CCDC60: variants seen among roughly 807,000 people sequenced by gnomAD.
The protein encoded by CCDC60 is coiled-coil domain containing 60.
In CCDC60, 54 loss-of-function variants were observed where a neutral mutation model predicts 63.5. That is an observed-to-expected ratio of 0.85 (90% CI 0.68 to 1.07). The LOEUF (loss-of-function observed/expected upper bound fraction) is 1.07, where lower values mean the gene tolerates loss of function less well. CCDC60 is among the 50% of genes least tolerant of loss of function. The pLI is 0.00. For synonymous variants in CCDC60, 206 were observed against 238.8 expected (o/e 0.86, Z 1.27); for missense variants, 651 against 684.3 (o/e 0.95, Z 0.54).
chr12:119,401,505 G>A (rs924589194), intron 1 of CCDC60, among the ~76,000 whole-genome samples: 7 of 152,190 alleles, frequency 4.6e-5, no homozygotes, highest in Non-Finnish European at 7.3e-5. Flanking sequence ...GAGACAGCCC[G>A]ACAATCTCAG....
chr12:119,519,852 G>C (rs1266414197), intron 8 of CCDC60, among the ~76,000 whole-genome samples: 1 of 143,882 alleles, frequency 7.0e-6, no homozygotes, highest in African/African-American at 2.7e-5. Context: ...GAGAGAGAGA[G>C]AGAGTGTGTG....
intron 1 of CCDC60, among the ~76,000 whole-genome samples, chr12:119,413,694 C>T (rs767218375): frequency 1.3e-5 from 2 of 152,214 alleles, no homozygotes; most frequent in Non-Finnish European, 2.9e-5. Flanking sequence ...CTTCGGGTCA[C>T]GCAGGTGTGG....
intron 4 of CCDC60, among the ~76,000 whole-genome samples, chr12:119,481,404 G>T (rs1482488033): frequency 2.0e-5 from 3 of 152,086 alleles, no homozygotes; most frequent in Non-Finnish European, 4.4e-5. Context: ...TCTGGGGGTG[G>T]GGGAGAGCAG....
At chr12:119,488,597 A>G (rs1219539645) in intron 4 of CCDC60, among the ~76,000 whole-genome samples, 162 bp from the exon 5 acceptor site, 2 of 152,196 alleles carry the variant, frequency 1.3e-5, no homozygotes, top group African/African-American at 2.4e-5. Context: ...GGCCCATTGC[A>G]AAGGCCAAAT....
intron 1 of CCDC60, among the ~76,000 whole-genome samples, chr12:119,414,726 T>C (rs1565995993): frequency 1.3e-5 from 2 of 152,120 alleles, no homozygotes; most frequent in South Asian, 4.1e-4. Context: ...AATTGTTTTG[T>C]TTTTTGTAGA....
At chr12:119,442,138 C>A (rs1465495939) in intron 2 of CCDC60, among the ~76,000 whole-genome samples, 3 of 152,282 alleles carry the variant, frequency 2.0e-5, no homozygotes, top group Non-Finnish European at 4.4e-5. Context: ...TCTATGCATT[C>A]ATGGATCCAC....
intron 1 of CCDC60, among the ~76,000 whole-genome samples, chr12:119,427,385 C>T (rs998640833): frequency 1.3e-5 from 2 of 152,208 alleles, no homozygotes; most frequent in Non-Finnish European, 2.9e-5. Flanking sequence ...AATAAACATA[C>T]TTACATTATG....
chr12:119,522,484 G>A (rs1023924340), intron 9 of CCDC60, among the ~76,000 whole-genome samples: 4 of 152,158 alleles, frequency 2.6e-5, no homozygotes, highest in Non-Finnish European at 5.9e-5. Flanking sequence ...ATGGGTGTTG[G>A]GCTTCACTAA....
chr12:119,467,597 C>T (rs1950975519), intron 2 of CCDC60, among the ~76,000 whole-genome samples: 1 of 152,200 alleles, frequency 6.6e-6, no homozygotes, highest in Non-Finnish European at 1.5e-5. Context: ...TGATCTTGGG[C>T]TTCCAGCCTC....
intron 11 of CCDC60, among the ~76,000 whole-genome samples, chr12:119,526,588 A>G (rs1034659326): frequency 7.2e-5 from 11 of 152,240 alleles, no homozygotes; most frequent in Non-Finnish European, 1.5e-4. Context: ...CCCATTGAAA[A>G]GTGGGCAAAG....
At chr12:119,463,240 C>A (rs1270986404) in intron 2 of CCDC60, among the ~76,000 whole-genome samples, 1 of 152,224 alleles carries the variant, frequency 6.6e-6, no homozygotes, top group Admixed American at 6.5e-5. Context: ...ATCCCTGGCA[C>A]CTACCAGTCA....
intron 1 of CCDC60, among the ~76,000 whole-genome samples, chr12:119,346,778 T>C (rs1032944979): frequency 1.1e-4 from 5 of 47,604 alleles, no homozygotes; most frequent in Non-Finnish European, 2.1e-4. Flanking sequence ...ATCTTTCTCT[T>C]TCTTTCTTTC....
At chr12:119,457,242 G>A (rs1307901912) in intron 2 of CCDC60, among the ~76,000 whole-genome samples, 3 of 152,148 alleles carry the variant, frequency 2.0e-5, no homozygotes, top group Non-Finnish European at 4.4e-5. Flanking sequence ...AGCAACTAAA[G>A]GGACTTCTCC....
chr12:119,386,265 C>T (rs1286493259), intron 1 of CCDC60, among the ~76,000 whole-genome samples: 1 of 152,174 alleles, frequency 6.6e-6, no homozygotes, highest in Non-Finnish European at 1.5e-5. Context: ...TCCCTGTTCT[C>T]ATTTATTTCA....
intron 2 of CCDC60, among the ~76,000 whole-genome samples, chr12:119,465,338 A>G (rs1950933706): frequency 6.6e-6 from 1 of 151,972 alleles, no homozygotes. Flanking sequence ...AAAAAAATAA[A>G]TCTCTGAACC....
At chr12:119,507,453 C>CGTGT (rs1952036231) in intron 7 of CCDC60, among the ~76,000 whole-genome samples, 1 of 144,860 alleles carries the variant, frequency 6.9e-6, no homozygotes, top group East Asian at 2.0e-4. Flanking sequence ...CATATATATA[C>CGTGT]ATATATACAC....
At chr12:119,536,909 G>A (rs971229386) in intron 13 of CCDC60, among the ~76,000 whole-genome samples, 1 of 152,112 alleles carries the variant, frequency 6.6e-6, no homozygotes, top group African/African-American at 2.4e-5. Context: ...TCTTCTCAAG[G>A]AGTATCTTTG....
intron 12 of CCDC60, among the ~76,000 whole-genome samples, chr12:119,529,041 C>T (rs767290974): frequency 6.6e-6 from 1 of 152,144 alleles, no homozygotes; most frequent in Non-Finnish European, 1.5e-5. Context: ...CCCTGTGGGA[C>T]AGGCAGATGA....
Position 119,453,390 on chromosome 12 carries a change from T to C in CCDC60, c.171-18604T>C, listed in dbSNP as rs74706399. Among the ~76,000 whole-genome samples the C allele has an allele frequency of 3.9e-3, 598 of 152,308 alleles. 24 individuals carry two copies. The East Asian group carries it at 0.089, about 23-fold the overall frequency. Reference sequence around the variant, plus strand: ...AAGAAGAATTAAGAAAAGAAAACCATTTAAAATAATTAGAAGGCTTCTGCA... The same window carrying C: ...AAGAAGAATTAAGAAAAGAAAACCACTTAAAATAATTAGAAGGCTTCTGCA... On this transcript the variant is annotated intron_variant, in intron 2 of 13. Coordinates refer to ENST00000327554, the MANE Select transcript of CCDC60 (RefSeq NM_178499.5).
Sources: allele counts gnomAD v4.1 joint callset (sites outside exome capture counted in the v4.1 genomes callset), GRCh38; gene constraint gnomAD v4.1.1; transcripts MANE v1.5; gene names NCBI Gene and HGNC (gene_info 2026-07-23, HGNC 2026-07-21).